ATM: variants seen among roughly 807,000 people sequenced by gnomAD.
ATM encodes the protein serine-protein kinase ATM.
A neutral mutation model predicts 387.0 loss-of-function variants in ATM; 308 were observed. The observed-to-expected ratio is 0.80, with a 90% CI of 0.73 to 0.87. The LOEUF is 0.87. ATM is among the 40% of genes least tolerant of loss of function. The pLI, the probability that ATM is intolerant of heterozygous loss-of-function variation, is 0.00. For synonymous variants in ATM, 1,156 were observed against 1,187.3 expected, an observed-to-expected ratio of 0.97 and a Z score of 0.54; for missense variants, 3,312 against 3,560.9, an observed-to-expected ratio of 0.93 and a Z score of 1.78.
chr11:108,354,513 T>C (rs2089642887), intron 60 of ATM, among the ~76,000 whole-genome samples: 1 of 152,244 alleles, frequency 6.6e-6, no homozygotes, highest in Non-Finnish European at 1.5e-5. Context: ...CAGTGTAAAC[T>C]AATAATTGCC....
chr11:108,312,274 G>A (rs1478394608), intron 39 of ATM, 137 bp from the exon 40 acceptor site: 2 of 680,076 alleles, frequency 2.9e-6, no homozygotes, highest in African/African-American at 1.8e-5. Flanking sequence ...ATGGTATTAT[G>A]TTTTAAAGTA....
chr11:108,322,275 C>G (rs1054591733), intron 45 of ATM, among the ~76,000 whole-genome samples: 9 of 152,172 alleles, frequency 5.9e-5, no homozygotes, highest in African/African-American at 2.2e-4. Flanking sequence ...CTGCCTCAGC[C>G]TCCCGAGTAG....
intron 56 of ATM, chr11:108,340,145 A>G (rs1157577729): frequency 6.7e-6 from 1 of 149,802 alleles, no homozygotes; most frequent in Non-Finnish European, 1.5e-5. Context: ...ACTGAAACCT[A>G]GAGGCTTTAT....
chr11:108,335,694 A>T lies in ATM; in HGVS notation c.8152-151A>T. On this transcript the variant is annotated intron_variant, in intron 55 of 62. Transcript: ENST00000675843. ...TGTTGTAGCTTATTCTAAATGAAAGAATGGCAGTAGGTATTTAATTATTTG... is the reference window on the plus strand; with the variant it reads ...TGTTGTAGCTTATTCTAAATGAAAGTATGGCAGTAGGTATTTAATTATTTG... The T allele has an allele frequency of 6.1e-6, 4 of 657,464 alleles. No individual in the cohort carries two copies. In the South Asian group the frequency reaches 7.0e-5, roughly 11 times the overall value. 40.7% of individuals were successfully genotyped at this position (657,464 alleles called of 1,614,324 possible). A position where few individuals can be genotyped will look rare whatever the true frequency, so the allele number is the denominator to read the frequency against.
In ATM at chr11:108,235,800, A is replaced by G. The variant is rs876659923; in HGVS notation, c.462A>G (p.Lys154=). 41 of 1,613,904 alleles carry G rather than the reference A, an allele frequency of 2.5e-5. No individual in the cohort carries two copies. Among genetic ancestry groups the G allele is most frequent in the Non-Finnish European group, 3.4e-5 (40 of 1,179,894 alleles). ...ILLKDILSVR[K]YWCEISQQQW... ...TCAAAGACATTCTTTCTGTGAGAAA[A>G]TACTGGTGTGAAATATCTCAGCAAC... The change falls in exon 5 of 63, where the codon AAA becomes AAG. Residue 154 remains lysine, a synonymous_variant. Transcript: ENST00000675843.
intron 16 of ATM, among the ~76,000 whole-genome samples, chr11:108,263,079 G>C (rs2081004509): frequency 6.6e-6 from 1 of 151,598 alleles, no homozygotes; most frequent in South Asian, 2.1e-4. Flanking sequence ...AGATCAACGA[G>C]ACAGAAAGTC....
At chr11:108,327,290 C>T (rs1260368149) in intron 47 of ATM, 3 of 280,992 alleles carry the variant, frequency 1.1e-5, no homozygotes, top group East Asian at 9.0e-5. Context: ...CTTCCTTGTA[C>T]CTCAGTTTTC....
chr11:108,356,614 T>G (rs1443355390), intron 61 of ATM, among the ~76,000 whole-genome samples: 1 of 152,032 alleles, frequency 6.6e-6, no homozygotes, highest in Non-Finnish European at 1.5e-5. Context: ...TCTTTAGTAT[T>G]TTACTCTACC....
chr11:108,240,623 T>G (rs968923928), intron 5 of ATM, among the ~76,000 whole-genome samples: 1 of 152,160 alleles, frequency 6.6e-6, no homozygotes, highest in African/African-American at 2.4e-5. Context: ...TTTGTGTCTC[T>G]AAACATATAT....
chr11:108,327,992 TC>T (rs2085855301), intron 48 of ATM, among the ~76,000 whole-genome samples: 1 of 152,170 alleles, frequency 6.6e-6, no homozygotes, highest in Non-Finnish European at 1.5e-5. Context: ...CCTTCCTACC[TC>T]CACTACCAGC....
intron 16 of ATM, 113 bp from the exon 17 acceptor site, chr11:108,267,058 A>G (rs2081292884): frequency 2.7e-6 from 3 of 1,096,134 alleles, no homozygotes; most frequent in Non-Finnish European, 2.7e-6. Flanking sequence ...TGCCTCCCAA[A>G]TTGCTGAGAT....
chr11:108,288,391 G>A (rs1279886873), intron 27 of ATM, among the ~76,000 whole-genome samples: 1 of 151,536 alleles, frequency 6.6e-6, no homozygotes, highest in Non-Finnish European at 1.5e-5. Flanking sequence ...TTTCTTTATT[G>A]TGCGTTATTA....
chr11:108,365,864 A>G lies in ATM; in HGVS notation c.*356A>G. 4.4e-6 allele frequency: 1 copy of G among 229,872 alleles called. No homozygotes were observed. The highest frequency in any genetic ancestry group is 8.7e-6 in the Non-Finnish European group (1 of 114,360). 14.2% of individuals were successfully genotyped at this position (229,872 alleles called of 1,614,324 possible). On this transcript the variant is annotated 3_prime_UTR_variant, in exon 63 of 63. Transcript: ENST00000675843. ...GCCAGTATGGTGAAACCCTGTCTCT[A>G]CTAAAAATACAAAAATTAGCCGAGC...
chr11:108,329,837 T>A (rs554797456), intron 49 of ATM, among the ~76,000 whole-genome samples: 4 of 152,292 alleles, frequency 2.6e-5, no homozygotes, highest in African/African-American at 9.6e-5. Flanking sequence ...TCTGTTTTGC[T>A]TTTTTGGTTT....
At chr11:108,315,789 CCTT>C (rs745774526) in intron 40 of ATM, 31 bp from the exon 41 acceptor site, 2 of 1,547,672 alleles carry the variant, frequency 1.3e-6, no homozygotes, top group Admixed American at 1.7e-5. Context: ...GATTTTTTTT[CCTT>C]CTTCAATTTT....
At chr11:108,288,794 T>C (rs753470983) in intron 27 of ATM, among the ~76,000 whole-genome samples, 183 bp from the exon 28 acceptor site, 70 of 152,212 alleles carry the variant, frequency 4.6e-4, no homozygotes, top group Middle Eastern at 3.2e-3. Flanking sequence ...TTAGATAATC[T>C]GATTTATATA....
At chr11:108,233,590 A>T (rs796920251) in intron 4 of ATM, among the ~76,000 whole-genome samples, 29 of 149,900 alleles carry the variant, frequency 1.9e-4, no homozygotes, top group African/African-American at 6.2e-4. Context: ...AAAAAAAAAA[A>T]GTCTCTGCAG....
rs2081399827 is a variant in ATM at position 108,268,626 on chromosome 11, G to C, written c.2838+17G>C. On this transcript the variant is annotated intron_variant, in intron 18 of 62. Coordinates refer to ENST00000675843, the MANE Select transcript of ATM (RefSeq NM_000051.4). ...CTGCATATGGTGAGTTACGTTAAATGAAGAAGCTCTTGGATTTTATCTGAT... is the reference window on the plus strand; with the variant it reads ...CTGCATATGGTGAGTTACGTTAAATCAAGAAGCTCTTGGATTTTATCTGAT... 2 of 1,611,596 alleles carry C rather than the reference G, an allele frequency of 1.2e-6. No homozygotes were observed. Among genetic ancestry groups the C allele is most frequent in the Non-Finnish European group, 1.7e-6 (2 of 1,178,366 alleles).
At chr11:108,228,031 A>G (rs2078833495) in intron 3 of ATM, 143 bp downstream of exon 3, 2 of 677,640 alleles carry the variant, frequency 3.0e-6, no homozygotes, top group African/African-American at 1.8e-5. Context: ...TTTGGCATTT[A>G]ATATTTATCC....
Sources: gnomAD v4.1 joint callset for allele counts (sites outside exome capture counted in the v4.1 genomes callset) on GRCh38, gnomAD v4.1.1 for gene constraint, MANE v1.5 for transcripts, NCBI Gene and HGNC (gene_info 2026-07-23, HGNC 2026-07-21) for gene names.